Variants in SLC34A2 observed in about 807,000 individuals in gnomAD.
SLC34A2 encodes the protein sodium-dependent phosphate transport protein 2B.
SLC34A2 carries 41 observed loss-of-function variants against 50.8 expected under a neutral mutation model. The ratio of observed to expected loss-of-function variants is 0.81; its 90% CI spans 0.63 to 1.05. The LOEUF (loss-of-function observed/expected upper bound fraction) is 1.05. Ranked by LOEUF, SLC34A2 falls within the 50% of genes least tolerant of loss-of-function variation. The pLI, the probability that SLC34A2 is intolerant of heterozygous loss-of-function variation, is 0.00. For synonymous variants in SLC34A2, 401 were observed against 364.2 expected, an observed-to-expected ratio of 1.10 and a Z score of -1.15; for missense variants, 879 against 876.7, an observed-to-expected ratio of 1.00 and a Z score of -0.03.
At position 25,662,753 on chromosome 4, in the gene SLC34A2, A is replaced by G. The variant is rs757126576; in HGVS notation, c.161A>G (p.Tyr54Cys). The change falls in exon 3 of 13, where the codon TAC becomes TGC. Residue 54 changes from tyrosine (Y) to cysteine (C), a missense_variant. Coordinates refer to ENST00000382051, the MANE Select transcript of SLC34A2 (RefSeq NM_006424.3). ...PVTKIELLPSYSTATLIDEPT... is the reference protein window; with the variant it reads ...PVTKIELLPSCSTATLIDEPT... ...ACCAAGATTGAACTTCTGCCGTCCTACTCCACGGCTACACTGATAGATGAG... is the reference window on the plus strand; with the variant it reads ...ACCAAGATTGAACTTCTGCCGTCCTGCTCCACGGCTACACTGATAGATGAG... 1 of 1,613,654 alleles carries G rather than the reference A, an allele frequency of 6.2e-7. No individual in the cohort carries two copies. Among genetic ancestry groups the G allele is most frequent in the South Asian group, 1.1e-5 (1 of 91,054 alleles).
At position 25,670,675 on chromosome 4, in the gene SLC34A2, G is replaced by T. The variant is rs1441919812; in HGVS notation, c.832-63G>T. The T allele has an allele frequency of 3.8e-6, 5 of 1,316,496 alleles. No individual in the cohort carries two copies. In the African/African-American group the frequency reaches 7.3e-5, roughly 19 times the overall value. 81.6% of individuals were successfully genotyped at this position (1,316,496 alleles called of 1,614,324 possible). On this transcript the variant is annotated intron_variant, in intron 7 of 12. Transcript: ENST00000382051. Reference sequence around the variant, plus strand: ...AGAGCCCCTCTCACTTCAACCCCCTGGGTTTGTGTCCTAAATCGGTTCTGA... The same window carrying T: ...AGAGCCCCTCTCACTTCAACCCCCTTGGTTTGTGTCCTAAATCGGTTCTGA...
intron 4 of SLC34A2, chr4:25,665,214 T>G (rs28628799): frequency 0.014 from 2,449 of 172,222 alleles, 72 homozygotes; most frequent in African/African-American, 0.059. Flanking sequence ...TTGCCCGGGC[T>G]GGAGTGCATT....
chr4:25,665,131 G>T (rs2109051368), intron 4 of SLC34A2: 1 of 200,906 alleles, frequency 5.0e-6, no homozygotes, highest in Non-Finnish European at 1.0e-5. Context: ...ATTCATGGGA[G>T]AGCATGAGGG....
rs775014349 is a variant in SLC34A2 at position 25,662,617 on chromosome 4, G to A, written c.112+5G>A. ...AAAGCAAAGAGACCAACAAAAGTAAGTGTCGCTCGTTTGTCTGCAGATCGG... is the reference window on the plus strand; with the variant it reads ...AAAGCAAAGAGACCAACAAAAGTAAATGTCGCTCGTTTGTCTGCAGATCGG... On this transcript the variant is annotated splice_donor_5th_base_variant and intron_variant, in intron 2 of 12. Transcript: ENST00000382051. 6 of 1,613,972 alleles carry A rather than the reference G, an allele frequency of 3.7e-6. No individual in the cohort carries two copies. The highest frequency in any genetic ancestry group is 4.2e-6 in the Non-Finnish European group (5 of 1,180,026).
In SLC34A2 at chr4:25,677,273, G is replaced by A. The variant is rs1467276590; in HGVS notation, c.*524G>A. 2 of 164,402 alleles carry A rather than the reference G, an allele frequency of 1.2e-5. No individual in the cohort carries two copies. The highest frequency in any genetic ancestry group is 4.8e-5 in the African/African-American group (2 of 41,664). 10.2% of individuals were successfully genotyped at this position (164,402 alleles called of 1,614,324 possible). On this transcript the variant is annotated 3_prime_UTR_variant, in exon 13 of 13. Transcript: ENST00000382051. The stretch of plus-strand genomic sequence containing the variant: ...GTCAGGGGACATAGTGTCATTGTTT[G>A]GAAACTGCAGACCACAAGGTGTGGG...
chr4:25,674,686 G>A, intron 12 of SLC34A2, 57 bp downstream of exon 12: 2 of 1,606,698 alleles, frequency 1.2e-6, no homozygotes, highest in South Asian at 1.1e-5. Context: ...CCATGGTCTT[G>A]CAAACTGGTC....
chr4:25,656,295 C>A (rs144422076), intron 1 of SLC34A2, among the ~76,000 whole-genome samples: 2 of 152,304 alleles, frequency 1.3e-5, no homozygotes, highest in African/African-American at 4.8e-5. Flanking sequence ...AGCCCCTGGG[C>A]TGCCGTCTTC....
Position 25,662,624 on chromosome 4 carries a change from T to G in SLC34A2, c.112+12T>G. On this transcript the variant is annotated intron_variant, in intron 2 of 12. Coordinates refer to ENST00000382051, the MANE Select transcript of SLC34A2 (RefSeq NM_006424.3). Reference sequence around the variant, plus strand: ...AGAGACCAACAAAAGTAAGTGTCGCTCGTTTGTCTGCAGATCGGCCTTTGT... The same window carrying G: ...AGAGACCAACAAAAGTAAGTGTCGCGCGTTTGTCTGCAGATCGGCCTTTGT... 1 of 1,614,066 alleles carries G rather than the reference T, an allele frequency of 6.2e-7. No individual in the cohort carries two copies. The highest frequency in any genetic ancestry group is 8.5e-7 in the Non-Finnish European group (1 of 1,179,978).
At position 25,674,429 on chromosome 4, in the gene SLC34A2, C is replaced by T. The variant is rs1714999158; in HGVS notation, c.1333+17C>T. On this transcript the variant is annotated intron_variant, in intron 11 of 12. Transcript: ENST00000382051. ...CCCTGATTGGTGAGTTACACCCTGG[C>T]TTCTCCCTCTGGCCACCACTGCCAT... 6.2e-7 allele frequency: 1 copy of T among 1,613,998 alleles called. No individual in the cohort carries two copies. The highest frequency in any genetic ancestry group is 1.3e-5 in the African/African-American group (1 of 74,932).
intron 5 of SLC34A2, among the ~76,000 whole-genome samples, chr4:25,667,523 T>G (rs186703348): frequency 1.3e-3 from 203 of 151,750 alleles, no homozygotes; most frequent in African/African-American, 4.6e-3. Flanking sequence ...AAAATAAAAA[T>G]AAAAAAGAAA....
rs763322403 is a variant in SLC34A2 at position 25,662,621 on chromosome 4, C to T, written c.112+9C>T. ...CAAAGAGACCAACAAAAGTAAGTGT[C>T]GCTCGTTTGTCTGCAGATCGGCCTT... On this transcript the variant is annotated intron_variant, in intron 2 of 12. Coordinates refer to ENST00000382051, the MANE Select transcript of SLC34A2 (RefSeq NM_006424.3). 70 of 1,613,936 alleles carry T rather than the reference C, an allele frequency of 4.3e-5. No individual in the cohort carries two copies. The highest frequency in any genetic ancestry group is 3.7e-5 in the Non-Finnish European group (44 of 1,179,990).
rs910803007 is a variant in SLC34A2 at position 25,664,100 on chromosome 4, G to C, written c.251-102G>C. 9 of 1,121,010 alleles carry C rather than the reference G, an allele frequency of 8.0e-6. No individual in the cohort carries two copies. The African/African-American group carries it at 1.4e-4, about 17-fold the overall frequency. The allele number at this position is 1,121,010 out of a possible 1,614,324, so 69.4% of individuals were successfully genotyped here. A position where few individuals can be genotyped will look rare whatever the true frequency, so the allele number is the denominator to read the frequency against. On this transcript the variant is annotated intron_variant, in intron 3 of 12. Transcript: ENST00000382051. Reference sequence around the variant, plus strand: ...ACGGCTGCCAGGCTGGGAAGGGAGGGGAGGTCGGGGGAGCTCTGAGCTCAT... The same window carrying C: ...ACGGCTGCCAGGCTGGGAAGGGAGGCGAGGTCGGGGGAGCTCTGAGCTCAT...
intron 1 of SLC34A2, among the ~76,000 whole-genome samples, chr4:25,659,395 C>T (rs1008281267): frequency 2.0e-5 from 3 of 152,112 alleles, no homozygotes; most frequent in African/African-American, 7.2e-5. Flanking sequence ...AACTGAGATC[C>T]ACTACCATGC....
At chr4:25,658,820 C>A (rs1206586487) in intron 1 of SLC34A2, among the ~76,000 whole-genome samples, 1 of 152,134 alleles carries the variant, frequency 6.6e-6, no homozygotes, top group Non-Finnish European at 1.5e-5. Context: ...AGTGGTTGCG[C>A]CAGGGCTATG....
chr4:25,669,927 A>G (rs1426618112), intron 7 of SLC34A2, 85 bp downstream of exon 7: 4 of 1,225,082 alleles, frequency 3.3e-6, no homozygotes, highest in East Asian at 4.6e-5. Context: ...TAGAGTGTCT[A>G]CAACACTATT....
intron 5 of SLC34A2, 122 bp from the exon 6 acceptor site, chr4:25,667,758 T>C (rs1714576489): frequency 1.4e-6 from 1 of 715,280 alleles, no homozygotes; most frequent in Admixed American, 2.1e-5. Context: ...AAAAAAAAAG[T>C]TTAAGAATTC....
intron 6 of SLC34A2, 113 bp from the exon 7 acceptor site, chr4:25,669,521 GTACATGTGCACAC>G (rs1356918592): frequency 8.2e-6 from 7 of 858,328 alleles, no homozygotes; most frequent in Non-Finnish European, 1.4e-5. Context: ...ATGAGATTGT[GTACATGTGCACAC>G]TTCCATAGGT....
intron 1 of SLC34A2, among the ~76,000 whole-genome samples, chr4:25,661,502 C>T (rs1487692497): frequency 2.0e-5 from 3 of 152,178 alleles, no homozygotes; most frequent in African/African-American, 7.2e-5. Context: ...ATTCTCATGC[C>T]TCAGCCTCCT....
chr4:25,656,858 C>T (rs1269672557), intron 1 of SLC34A2, among the ~76,000 whole-genome samples: 3 of 152,164 alleles, frequency 2.0e-5, no homozygotes, highest in Non-Finnish European at 4.4e-5. Context: ...CTGTGTTAGC[C>T]CTGATCGCTC....
Sources: allele counts gnomAD v4.1 joint callset (sites outside exome capture counted in the v4.1 genomes callset), GRCh38; gene constraint gnomAD v4.1.1; transcripts MANE v1.5; gene names NCBI Gene and HGNC (gene_info 2026-07-23, HGNC 2026-07-21).